HSPA4: variants seen among roughly 807,000 people sequenced by gnomAD.
HSPA4 encodes the protein heat shock 70 kDa protein 4.
In HSPA4, 25 loss-of-function variants were observed where a neutral mutation model predicts 106.2. That is an observed-to-expected ratio of 0.24 (90% CI 0.17 to 0.33). The LOEUF is 0.33. Among genes scored for constraint, HSPA4 ranks in the 10% least tolerant of loss-of-function variants. The pLI, the probability that HSPA4 is intolerant of heterozygous loss-of-function variation, is 1.00. For missense variants in HSPA4, 841 were observed against 996.0 expected (o/e 0.84, Z 2.10); for synonymous variants, 332 against 333.6 (o/e 1.00, Z 0.05).
intron 13 of HSPA4, among the ~76,000 whole-genome samples, chr5:133,093,594 G>T (rs1449781032): frequency 3.3e-5 from 5 of 152,012 alleles, no homozygotes; most frequent in Admixed American, 2.6e-4. Context: ...AGGTTCAAGC[G>T]ATTCTTATGC....
At position 133,063,161 on chromosome 5, in the gene HSPA4, A is replaced by G. The variant is rs962734019; in HGVS notation, c.108-1819A>G. On this transcript the variant is annotated intron_variant, in intron 1 of 18. Coordinates refer to ENST00000304858, the MANE Select transcript of HSPA4 (RefSeq NM_002154.4). ...CCCCAGGCTGGAGTGCAATAGCATG[A>G]TCACAGCTTACTGCAGCCTCAGGCT... Among the ~76,000 whole-genome samples, 7 of 152,202 alleles carry G rather than the reference A, an allele frequency of 4.6e-5. 2 individuals are homozygous for G. Among genetic ancestry groups the G allele is most frequent in the Admixed American group, 6.5e-5 (1 of 15,288 alleles).
At chr5:133,073,133 C>T (rs1765405296) in intron 4 of HSPA4, 97 bp from the exon 5 acceptor site, 1 of 691,130 alleles carries the variant, frequency 1.4e-6, no homozygotes, top group East Asian at 2.7e-5. Context: ...TGATCATATA[C>T]AGAATAAATT....
At position 133,089,519 on chromosome 5, in the gene HSPA4, G is replaced by A. The variant is rs763592785; in HGVS notation, c.1245-43G>A. The A allele has an allele frequency of 2.5e-6, 4 of 1,593,046 alleles. No individual in the cohort carries two copies. The African/African-American group carries it at 4.0e-5, about 16-fold the overall frequency. ...CTAGAACACATGGGTAAAAGTGTTAGGAATATCCTGAATTTGTGTTTTTGT... is the reference window on the plus strand; with the variant it reads ...CTAGAACACATGGGTAAAAGTGTTAAGAATATCCTGAATTTGTGTTTTTGT... On this transcript the variant is annotated intron_variant, in intron 10 of 18. Coordinates refer to ENST00000304858, the MANE Select transcript of HSPA4 (RefSeq NM_002154.4).
chr5:133,059,092 C>T (rs1765203486), intron 1 of HSPA4, among the ~76,000 whole-genome samples: 1 of 151,458 alleles, frequency 6.6e-6, no homozygotes, highest in South Asian at 2.1e-4. Context: ...GGTGCCACTG[C>T]ACTCCAGCCT....
At chr5:133,081,077 T>C (rs1457530446) in intron 7 of HSPA4, among the ~76,000 whole-genome samples, 1 of 152,136 alleles carries the variant, frequency 6.6e-6, no homozygotes, top group Non-Finnish European at 1.5e-5. Context: ...AGACAGAGTC[T>C]CAGTAGGTCA....
At position 133,089,451 on chromosome 5, in the gene HSPA4, A is replaced by G. The variant is rs551989331; in HGVS notation, c.1245-111A>G. 3 of 959,282 alleles carry G rather than the reference A, an allele frequency of 3.1e-6. No homozygotes were observed. In the South Asian group the frequency reaches 5.9e-5, roughly 19 times the overall value. The allele number at this position is 959,282 out of a possible 1,614,324, so 59.4% of individuals were successfully genotyped here. ...CTCTTATAATCTGGAAATAATACCAATTGAAAAGAGAGAGAAACTAACACT... is the reference window on the plus strand; with the variant it reads ...CTCTTATAATCTGGAAATAATACCAGTTGAAAAGAGAGAGAAACTAACACT... On this transcript the variant is annotated intron_variant, in intron 10 of 18. Transcript: ENST00000304858.
Position 133,079,586 on chromosome 5 carries a change from A to G in HSPA4, c.908+2688A>G, listed in dbSNP as rs144576663. Among the ~76,000 whole-genome samples the G allele has an allele frequency of 3.6e-3, 554 of 152,262 alleles. 5 individuals are homozygous for G. The highest frequency in any genetic ancestry group is 0.01 in the African/African-American group (428 of 41,536). On this transcript the variant is annotated intron_variant, in intron 7 of 18. Transcript: ENST00000304858. ...CTTTTTAGCTATTGTGAATAGTGCT[A>G]TGGACATTTGTGAACAAGTACTTGT...
intron 7 of HSPA4, among the ~76,000 whole-genome samples, chr5:133,077,621 G>A (rs1765461456): frequency 6.7e-6 from 1 of 148,276 alleles, no homozygotes; most frequent in African/African-American, 2.5e-5. Flanking sequence ...CTGGGTAATT[G>A]ACATTTCGGG....
Position 133,067,414 on chromosome 5 carries a change from T to C in HSPA4, c.166-3T>C. 6.2e-7 allele frequency: 1 copy of C among 1,605,656 alleles called. No individual in the cohort carries two copies. Among genetic ancestry groups the C allele is most frequent in the East Asian group, 2.2e-5 (1 of 44,810 alleles). ...TTCCACTCTTTGATATTCTTTCTCT[T>C]AGGTAATTTCTAATGCAAAGAACAC... On this transcript the variant is annotated splice_polypyrimidine_tract_variant and splice_region_variant and intron_variant, in intron 2 of 18. Coordinates refer to ENST00000304858, the MANE Select transcript of HSPA4 (RefSeq NM_002154.4).
chr5:133,069,930 C>T (rs538621818), intron 3 of HSPA4, among the ~76,000 whole-genome samples: 16 of 152,054 alleles, frequency 1.1e-4, no homozygotes, highest in African/African-American at 2.7e-4. Flanking sequence ...TTTGGGAGGC[C>T]GAGGCAGGAG....
intron 8 of HSPA4, 140 bp downstream of exon 8, chr5:133,086,998 A>G (rs143128287): frequency 3.4e-6 from 2 of 586,004 alleles, no homozygotes; most frequent in East Asian, 3.0e-5. Context: ...CTTTTTTTCA[A>G]CCTGTATCTT....
At position 133,083,315 on chromosome 5, in the gene HSPA4, AAAAC is replaced by A. The variant is rs981741922; in HGVS notation, c.909-3458_909-3455del. Among the ~76,000 whole-genome samples, 8 of 152,180 alleles carry A rather than the reference AAAAC, an allele frequency of 5.3e-5. No individual in the cohort carries two copies. The South Asian group carries it at 8.3e-4, about 16-fold the overall frequency. On this transcript the variant is annotated intron_variant, in intron 7 of 18. Transcript: ENST00000304858. Reference sequence around the variant, plus strand: ...TGACAGAATGAGACTCCATCTCAAAAAAACAAACAAACCCCTACCGCTGTTGCCA... The same window carrying A: ...TGACAGAATGAGACTCCATCTCAAAAAAACAAACCCCTACCGCTGTTGCCA...
chr5:133,057,439 A>C (rs1476565122), intron 1 of HSPA4, among the ~76,000 whole-genome samples: 1 of 150,774 alleles, frequency 6.6e-6, no homozygotes, highest in Non-Finnish European at 1.5e-5. Context: ...GCTCACTGCA[A>C]CCTCCGCCTT....
chr5:133,095,602 T>C (rs1457109450), intron 13 of HSPA4, among the ~76,000 whole-genome samples: 2 of 152,192 alleles, frequency 1.3e-5, no homozygotes, highest in South Asian at 4.1e-4. Flanking sequence ...TCCATAGATA[T>C]TTCATACCCT....
At chr5:133,074,990 C>T (rs915242915) in intron 6 of HSPA4, among the ~76,000 whole-genome samples, 3 of 152,096 alleles carry the variant, frequency 2.0e-5, no homozygotes, top group Non-Finnish European at 4.4e-5. Context: ...CTGCCTTGTA[C>T]CCATTGGAGA....
intron 2 of HSPA4, 73 bp downstream of exon 2, chr5:133,065,110 C>T (rs957252333): frequency 1.6e-5 from 20 of 1,252,574 alleles, no homozygotes; most frequent in Non-Finnish European, 2.3e-6. Flanking sequence ...TAGTTGAATG[C>T]CCATTATGTG....
Position 133,052,280 on chromosome 5 carries a change from C to T in HSPA4, c.30C>T (p.Phe10=), listed in dbSNP as rs747421228. ...CGGTGGTGGGCATAGACCTGGGCTT[C>T]CAGAGCTGCTACGTCGCTGTGGCCC... The part of the protein sequence containing the change: MSVVGIDLG[F]QSCYVAVARA... Residue 10 remains phenylalanine, a synonymous_variant, in exon 1 of 19, where the codon TTC becomes TTT. Transcript: ENST00000304858. 6.9e-6 allele frequency: 11 copies of T among 1,597,308 alleles called. No homozygotes were observed. Among genetic ancestry groups the T allele is most frequent in the Middle Eastern group, 1.7e-4 (1 of 5,976 alleles).
At chr5:133,052,468 G>A (rs1032956315) in intron 1 of HSPA4, 111 bp downstream of exon 1, 50 of 723,506 alleles carry the variant, frequency 6.9e-5, no homozygotes, top group Non-Finnish European at 9.5e-5. Flanking sequence ...CCTCCGTTCC[G>A]AGCCGAGGTC....
At chr5:133,053,306 T>C (rs1765106430) in intron 1 of HSPA4, among the ~76,000 whole-genome samples, 1 of 151,616 alleles carries the variant, frequency 6.6e-6, no homozygotes, top group Admixed American at 6.6e-5. Flanking sequence ...TTCTGTATTA[T>C]TTGCCATTCA....
Sources: allele counts gnomAD v4.1 joint callset (sites outside exome capture counted in the v4.1 genomes callset), GRCh38; gene constraint gnomAD v4.1.1; transcripts MANE v1.5; gene names NCBI Gene and HGNC (gene_info 2026-07-23, HGNC 2026-07-21).